PTER: variants seen among roughly 807,000 people sequenced by gnomAD.
PTER encodes phosphotriesterase related, also known as N-acetyltaurine hydrolase.
Under a neutral mutation model 29.6 loss-of-function variants are expected in PTER, and 38 were observed. The ratio of observed to expected loss-of-function variants is 1.28; its 90% CI spans 0.99 to 1.68. PTER has a LOEUF of 1.68. Among genes scored for constraint, PTER ranks in the 40% most tolerant of loss-of-function variants. The pLI is 0.00. For missense variants in PTER, 482 were observed against 427.8 expected, an observed-to-expected ratio of 1.13 and a Z score of -1.12; for synonymous variants, 172 against 154.5, an observed-to-expected ratio of 1.11 and a Z score of -0.84.
At chr10:16,473,043 T>G (rs551828815) in intron 1 of PTER, among the ~76,000 whole-genome samples, 1 of 152,154 alleles carries the variant, frequency 6.6e-6, no homozygotes, top group South Asian at 2.1e-4. Context: ...GGAAAAAACT[T>G]TATTGGAATT....
chr10:16,505,118 G>T lies in PTER; in HGVS notation c.797G>T (p.Gly266Val), dbSNP rs754323377. ...ACTGAACTACTTCATTACCAACTCG[G>T]CCCAGATATTGACATGCCTGATGAT... ...FGTELLHYQL[G>V]PDIDMPDDNK... The change falls in exon 4 of 5, where the codon GGC becomes GTC. Residue 266 changes from glycine (G) to valine (V), a missense_variant. Transcript: ENST00000535784. The T allele has an allele frequency of 2.5e-6, 4 of 1,613,952 alleles. No homozygotes were observed.
chr10:16,506,855 G>C (rs1836590401), intron 4 of PTER, among the ~76,000 whole-genome samples: 1 of 152,092 alleles, frequency 6.6e-6, no homozygotes, highest in Admixed American at 6.5e-5. Flanking sequence ...ATCTTGACAT[G>C]GATGTGTTAT....
chr10:16,492,919 C>T (rs1435143582), intron 3 of PTER, among the ~76,000 whole-genome samples: 2 of 152,164 alleles, frequency 1.3e-5, no homozygotes, highest in African/African-American at 2.4e-5. Flanking sequence ...TTCCCTTTGC[C>T]TCTGATCATT....
intron 3 of PTER, among the ~76,000 whole-genome samples, chr10:16,494,133 G>GA (rs752165479): frequency 2.6e-5 from 4 of 152,154 alleles, no homozygotes; most frequent in Non-Finnish European, 4.4e-5. Context: ...CGCCTTACAT[G>GA]AAAAACGCAA....
chr10:16,514,522 G>A (rs1478923501), downstream of PTER: 1 of 1,610,760 alleles, frequency 6.2e-7, no homozygotes, highest in East Asian at 2.2e-5. Context: ...CTTAGTTTCT[G>A]CATTATCAGT....
At chr10:16,489,546 C>G (rs1222091344) in intron 3 of PTER, among the ~76,000 whole-genome samples, 1 of 103,468 alleles carries the variant, frequency 9.7e-6, no homozygotes, top group Non-Finnish European at 1.8e-5. Context: ...CCTCTTACCC[C>G]TGGTTTTTTT....
intron 4 of PTER, among the ~76,000 whole-genome samples, chr10:16,509,033 A>G (rs1836707217): frequency 6.6e-6 from 1 of 152,154 alleles, no homozygotes; most frequent in South Asian, 2.1e-4. Context: ...ATCTTATTAT[A>G]TCTCTGCCTT....
intron 4 of PTER, among the ~76,000 whole-genome samples, chr10:16,509,936 T>C (rs1018039012): frequency 1.3e-5 from 2 of 152,180 alleles, no homozygotes; most frequent in African/African-American, 4.8e-5. Flanking sequence ...TTTTTGTGTG[T>C]GTAGTACCCC....
In PTER at chr10:16,511,129, A is replaced by G. The variant is rs1836794340; in HGVS notation, c.923A>G (p.Tyr308Cys). The change falls in exon 5 of 5, where the codon TAT becomes TGT. Residue 308 changes from tyrosine (Y) to cysteine (C), a missense_variant. By Grantham distance (194) the Tyr-to-Cys change is radical. Transcript: ENST00000535784. ...DIHTKTRLMK[Y>C]GGHGYSHILT... ...CATACGAAAACCCGGCTGATGAAAT[A>G]TGGAGGTCACGGCTATTCTCATATA... 3 of 1,614,188 alleles carry G rather than the reference A, an allele frequency of 1.9e-6. No homozygotes were observed. The highest frequency in any genetic ancestry group is 2.2e-5 in the East Asian group (1 of 44,880).
rs1836811268 is a variant in PTER, at chr10:16,511,533, G to A, written c.*277G>A. On this transcript the variant is annotated 3_prime_UTR_variant, in exon 5 of 5. Transcript: ENST00000535784. ...ATGATTTAAAGTCTATATCCCCTAAGCGGAGTTGTTGTTTTTCTCCCTAAT... is the reference window on the plus strand; with the variant it reads ...ATGATTTAAAGTCTATATCCCCTAAACGGAGTTGTTGTTTTTCTCCCTAAT... The A allele has an allele frequency of 5.6e-6, 2 of 357,104 alleles. No individual in the cohort carries two copies. The highest frequency in any genetic ancestry group is 1.0e-5 in the Non-Finnish European group (2 of 194,456). 22.1% of individuals were successfully genotyped at this position (357,104 alleles called of 1,614,324 possible).
chr10:16,447,877 G>C (rs1401776858), intron 1 of PTER, among the ~76,000 whole-genome samples: 1 of 152,150 alleles, frequency 6.6e-6, no homozygotes, highest in Non-Finnish European at 1.5e-5. Context: ...CAGGATTGGA[G>C]ACCATGGGCA....
downstream of PTER, among the ~76,000 whole-genome samples, chr10:16,517,870 G>A (rs138614556): frequency 6.6e-6 from 1 of 152,248 alleles, no homozygotes; most frequent in African/African-American, 2.4e-5. Flanking sequence ...AGGTTAAGTG[G>A]CACATCAGGT....
At chr10:16,452,922 T>G (rs1381401702) in intron 1 of PTER, among the ~76,000 whole-genome samples, 1 of 151,990 alleles carries the variant, frequency 6.6e-6, no homozygotes, top group Admixed American at 6.6e-5. Flanking sequence ...GGCTAATTTT[T>G]GTACTTTTTT....
downstream of PTER, among the ~76,000 whole-genome samples, chr10:16,515,361 CT>C (rs1377134387): frequency 1.3e-5 from 2 of 151,910 alleles, no homozygotes; most frequent in Non-Finnish European, 2.9e-5. Context: ...TTTCAGAGTT[CT>C]TTTTTCCATC....
At chr10:16,464,322 C>T (rs925230583) in intron 1 of PTER, among the ~76,000 whole-genome samples, 1 of 152,168 alleles carries the variant, frequency 6.6e-6, no homozygotes, top group African/African-American at 2.4e-5. Context: ...AACTTTTTTC[C>T]TGTCAATAAA....
chr10:16,473,536 A>AC (rs1564395731), intron 1 of PTER, among the ~76,000 whole-genome samples: 28 of 150,748 alleles, frequency 1.9e-4, no homozygotes, highest in African/African-American at 6.6e-4. Context: ...AAAAAAAAAA[A>AC]AAAAAAAAAA....
intron 4 of PTER, among the ~76,000 whole-genome samples, chr10:16,510,731 GC>G (rs1471435017): frequency 6.6e-6 from 1 of 152,168 alleles, no homozygotes; most frequent in African/African-American, 2.4e-5. Flanking sequence ...TTAGTGAAAT[GC>G]CAAAATGGTC....
chr10:16,491,908 A>G (rs542823580), intron 3 of PTER, among the ~76,000 whole-genome samples: 6 of 152,278 alleles, frequency 3.9e-5, no homozygotes, highest in East Asian at 3.9e-4. Context: ...AAGATATACA[A>G]TCTTCATTAG....
intron 1 of PTER, among the ~76,000 whole-genome samples, chr10:16,450,814 C>T (rs769167244): frequency 3.3e-5 from 5 of 152,180 alleles, no homozygotes; most frequent in Non-Finnish European, 5.9e-5. Context: ...TGGTTCTCCA[C>T]ATATGGTCAA....
Sources: allele counts gnomAD v4.1 joint callset (sites outside exome capture counted in the v4.1 genomes callset), GRCh38; gene constraint gnomAD v4.1.1; transcripts MANE v1.5; gene names NCBI Gene and HGNC (gene_info 2026-07-23, HGNC 2026-07-21).